Variants in PRKAR2A observed in about 807,000 individuals in gnomAD.
The protein encoded by PRKAR2A is cAMP-dependent protein kinase type II-alpha regulatory subunit.
PRKAR2A carries 29 observed loss-of-function variants against 51.9 expected under a neutral mutation model. That is an observed-to-expected ratio of 0.56 (90% CI 0.42 to 0.76). The LOEUF is 0.76. Among genes scored for constraint, PRKAR2A ranks in the 30% least tolerant of loss-of-function variants. The pLI, the probability that PRKAR2A is intolerant of heterozygous loss-of-function variation, is 0.00. For missense variants in PRKAR2A, 445 were observed against 512.1 expected, an observed-to-expected ratio of 0.87 and a Z score of 1.26; for synonymous variants, 178 against 186.2, an observed-to-expected ratio of 0.96 and a Z score of 0.36.
In PRKAR2A at chr3:48,751,603, C is replaced by G; in HGVS notation, c.1197G>C (p.Leu399=). ...LVKMFGSSVD[L]GNLGQ ...GGCACACCTACTGCCCGAGGTTGCC[C>G]AGATCCACGCTGGAGCCAAACATCT... Residue 399 remains leucine (L), a synonymous_variant, in exon 11 of 11, where the codon CTG becomes CTC. Coordinates refer to ENST00000265563, the MANE Select transcript of PRKAR2A (RefSeq NM_004157.4). The G allele has an allele frequency of 6.2e-7, 1 of 1,612,650 alleles. No individual in the cohort carries two copies.
At chr3:48,806,523 C>T (rs2082677457) in intron 2 of PRKAR2A, among the ~76,000 whole-genome samples, 1 of 151,456 alleles carries the variant, frequency 6.6e-6, no homozygotes, top group South Asian at 2.1e-4. Context: ...TAAATATTTA[C>T]TGAGTGCCTA....
At chr3:48,834,604 T>C (rs566319048) in intron 1 of PRKAR2A, among the ~76,000 whole-genome samples, 1 of 151,684 alleles carries the variant, frequency 6.6e-6, no homozygotes, top group Non-Finnish European at 1.5e-5. Context: ...TGCATGCCTG[T>C]AGTCCCAATT....
chr3:48,788,908 T>G (rs1012175623), intron 4 of PRKAR2A, among the ~76,000 whole-genome samples: 4 of 152,122 alleles, frequency 2.6e-5, no homozygotes, highest in Non-Finnish European at 5.9e-5. Flanking sequence ...GAGATAGCCC[T>G]TGTTCTTTAT....
intron 3 of PRKAR2A, among the ~76,000 whole-genome samples, chr3:48,792,992 T>G (rs1379582032): frequency 1.3e-5 from 2 of 151,400 alleles, no homozygotes; most frequent in East Asian, 1.9e-4. Context: ...ACACTAAGTT[T>G]TTTTTTTTTT....
intron 8 of PRKAR2A, among the ~76,000 whole-genome samples, chr3:48,759,427 C>T (rs952778476): frequency 5.5e-4 from 82 of 149,542 alleles, no homozygotes; most frequent in African/African-American, 1.9e-3. Flanking sequence ...ACTCTTGTTG[C>T]CCAGGCTGGA....
chr3:48,813,143 G>C (rs925040763), intron 1 of PRKAR2A, among the ~76,000 whole-genome samples: 1 of 151,728 alleles, frequency 6.6e-6, no homozygotes, highest in Non-Finnish European at 1.5e-5. Context: ...GCCGGGCATA[G>C]GGGCTCACAC....
At chr3:48,782,878 C>T (rs748345078) in intron 5 of PRKAR2A, 108 bp downstream of exon 5, 33 of 762,176 alleles carry the variant, frequency 4.3e-5, no homozygotes, top group Non-Finnish European at 6.8e-5. Context: ...AGCTTGTTCA[C>T]CTGGCCCTTA....
At chr3:48,817,989 A>G (rs571181997) in intron 1 of PRKAR2A, among the ~76,000 whole-genome samples, 1 of 152,352 alleles carries the variant, frequency 6.6e-6, no homozygotes, top group South Asian at 2.1e-4. Context: ...CTTGCAATCT[A>G]CAAGAGGGGA....
intron 8 of PRKAR2A, among the ~76,000 whole-genome samples, chr3:48,760,401 G>A (rs2081845766): frequency 6.6e-6 from 1 of 151,962 alleles, no homozygotes; most frequent in Non-Finnish European, 1.5e-5. Context: ...ATGTAGTCAG[G>A]TATGGTGGCA....
chr3:48,801,796 G>A (rs1293240292), intron 2 of PRKAR2A, among the ~76,000 whole-genome samples: 1 of 151,972 alleles, frequency 6.6e-6, no homozygotes, highest in African/African-American at 2.4e-5. Flanking sequence ...GAGTGCAATG[G>A]CACAATCTCA....
intron 5 of PRKAR2A, among the ~76,000 whole-genome samples, chr3:48,774,532 T>G (rs1371476375): frequency 6.6e-6 from 1 of 152,124 alleles, no homozygotes; most frequent in Non-Finnish European, 1.5e-5. Flanking sequence ...TAAAATTTAT[T>G]TCTTCTATCT....
intron 1 of PRKAR2A, among the ~76,000 whole-genome samples, chr3:48,809,562 C>T (rs909523080): frequency 8.1e-6 from 1 of 123,196 alleles, no homozygotes; most frequent in African/African-American, 3.1e-5. Context: ...CGCCACTGCA[C>T]TCCAGCCTCG....
At chr3:48,762,922 T>C (rs139237185) in intron 8 of PRKAR2A, among the ~76,000 whole-genome samples, 2 of 152,296 alleles carry the variant, frequency 1.3e-5, no homozygotes, top group Non-Finnish European at 2.9e-5. Context: ...TTATACTAAA[T>C]TGTAGAAAGG....
intron 1 of PRKAR2A, among the ~76,000 whole-genome samples, chr3:48,829,573 AAT>A (rs1204412223): frequency 1.3e-4 from 6 of 45,442 alleles, no homozygotes; most frequent in Non-Finnish European, 1.4e-4. Context: ...TACACACATA[AAT>A]ATATATGTGT....
chr3:48,746,391 A>C (rs2081562417), downstream of PRKAR2A, among the ~76,000 whole-genome samples: 1 of 150,548 alleles, frequency 6.6e-6, no homozygotes, highest in South Asian at 2.1e-4. Flanking sequence ...ATCTTTATAC[A>C]CATACACACA....
intron 1 of PRKAR2A, among the ~76,000 whole-genome samples, chr3:48,838,332 C>T (rs372968702): frequency 5.9e-5 from 9 of 152,042 alleles, no homozygotes; most frequent in South Asian, 2.1e-4. Flanking sequence ...GGTGACCGGG[C>T]GCAGTGGCTC....
chr3:48,818,550 G>T (rs2082907924), intron 1 of PRKAR2A, among the ~76,000 whole-genome samples: 1 of 152,026 alleles, frequency 6.6e-6, no homozygotes, highest in South Asian at 2.1e-4. Flanking sequence ...AGGAGTTCGA[G>T]ACAAGTTTGG....
At chr3:48,760,694 G>C (rs1408304966) in intron 8 of PRKAR2A, among the ~76,000 whole-genome samples, 1 of 151,304 alleles carries the variant, frequency 6.6e-6, no homozygotes, top group Non-Finnish European at 1.5e-5. Context: ...AATTAGCTGG[G>C]CATGGTGGTG....
chr3:48,755,587 T>C (rs1575835898), intron 9 of PRKAR2A, among the ~76,000 whole-genome samples: 1 of 151,630 alleles, frequency 6.6e-6, no homozygotes, highest in East Asian at 1.9e-4. Context: ...CTTTTTATTA[T>C]ATAATTTCCC....
Sources: gnomAD v4.1 joint callset for allele counts (sites outside exome capture counted in the v4.1 genomes callset) on GRCh38, gnomAD v4.1.1 for gene constraint, MANE v1.5 for transcripts, NCBI Gene and HGNC (gene_info 2026-07-23, HGNC 2026-07-21) for gene names.